Variants in SNRPB observed in about 807,000 individuals in gnomAD.
SNRPB encodes the protein small nuclear ribonucleoprotein-associated proteins B and B'.
SNRPB carries 5 observed loss-of-function variants against 26.6 expected under a neutral mutation model. That is an observed-to-expected ratio of 0.19 (90% CI 0.10 to 0.39). The LOEUF (loss-of-function observed/expected upper bound fraction) is 0.39, where lower values mean the gene tolerates loss of function less well. Ranked by LOEUF, SNRPB falls within the 10% of genes least tolerant of loss-of-function variation. The probability of loss-of-function intolerance (pLI) is 1.00; values close to 1 mark genes in which losing one functional copy is unlikely to be tolerated. For synonymous variants in SNRPB, 122 were observed against 105.8 expected, an observed-to-expected ratio of 1.15 and a Z score of -0.94; for missense variants, 211 against 311.9, an observed-to-expected ratio of 0.68 and a Z score of 2.44.
chr20:2,466,683 G>A (rs1337214662), intron 2 of SNRPB, among the ~76,000 whole-genome samples: 2 of 151,784 alleles, frequency 1.3e-5, no homozygotes, highest in African/African-American at 4.8e-5. Flanking sequence ...AACCCTTCGG[G>A]GTATTTTAGT....
chr20:2,463,003 CAGCTTCAGTCAAG>C lies in SNRPB; in HGVS notation c.559+73_559+85del. On this transcript the variant is annotated intron_variant, in intron 5 of 6. Coordinates refer to ENST00000381342, the MANE Select transcript of SNRPB (RefSeq NM_003091.4). This position sits in a 1 kb window ranked among gnomAD's most constrained non-coding sequence, Gnocchi z 5.0. ...CTGCTTAATTATACAAACTCATCAT[CAGCTTCAGTCAAG>C]GTTATATCTCATCATTAATCCAGCT... The C allele has an allele frequency of 8.0e-7, 1 of 1,253,672 alleles. No individual in the cohort carries two copies. Among genetic ancestry groups the C allele is most frequent in the Non-Finnish European group, 1.1e-6 (1 of 897,394 alleles). The allele number at this position is 1,253,672 out of a possible 1,614,324, so 77.7% of individuals were successfully genotyped here. A position where few individuals can be genotyped will look rare whatever the true frequency, so the allele number is the denominator to read the frequency against.
rs529255531 is a variant in SNRPB at position 2,466,917 on chromosome 20, C to G, written c.155+690G>C. Among the ~76,000 whole-genome samples the G allele has an allele frequency of 6.0e-4, 91 of 152,240 alleles. 3 individuals carry two copies. In the South Asian group the frequency reaches 0.015, roughly 24 times the overall value. ...ATCAAAGGGAATTCAAAGTGAGTGA[C>G]AGAATAATATGGACACTGCATATGA... On this transcript the variant is annotated intron_variant, in intron 2 of 6. Transcript: ENST00000381342.
At chr20:2,468,960 G>A (rs1259844172) in intron 1 of SNRPB, among the ~76,000 whole-genome samples, 1 of 152,130 alleles carries the variant, frequency 6.6e-6, no homozygotes, top group Non-Finnish European at 1.5e-5. Flanking sequence ...TCCACACAAA[G>A]ATACTGCGAG....
chr20:2,462,067 G>T, intron 6 of SNRPB, 128 bp from the exon 7 acceptor site: 1 of 660,188 alleles, frequency 1.5e-6, no homozygotes, highest in South Asian at 1.9e-5. Context: ...GTGCTAACTA[G>T]GGACTACTCT....
chr20:2,462,812 G>C (rs1165892762), intron 5 of SNRPB, 51 bp from the exon 6 acceptor site: 1 of 1,463,500 alleles, frequency 6.8e-7, no homozygotes, highest in East Asian at 2.4e-5. Context: ...TCTTGAAAAG[G>C]TAGCAAAAAA....
At chr20:2,462,895 C>T in intron 5 of SNRPB, 134 bp from the exon 6 acceptor site, 2 of 960,350 alleles carry the variant, frequency 2.1e-6, no homozygotes, top group Admixed American at 5.3e-5. Flanking sequence ...AGAAAACTGA[C>T]ATTTGAGCCT....
Position 2,470,767 on chromosome 20 carries a change from C to T in SNRPB, c.-77G>A. 5 of 1,565,604 alleles carry T rather than the reference C, an allele frequency of 3.2e-6. No individual in the cohort carries two copies. Among genetic ancestry groups the T allele is most frequent in the Non-Finnish European group, 3.5e-6 (4 of 1,141,006 alleles). On this transcript the variant is annotated 5_prime_UTR_variant, in exon 1 of 7. Coordinates refer to ENST00000381342, the MANE Select transcript of SNRPB (RefSeq NM_003091.4). ...CTAGCCTCTCTCCCACAGCCGATTT[C>T]CCGCCGCCGCTACCGGAAATGCAGC...
At chr20:2,464,516 A>G (rs1014740447) in intron 3 of SNRPB, among the ~76,000 whole-genome samples, 2 of 152,236 alleles carry the variant, frequency 1.3e-5, no homozygotes, top group Non-Finnish European at 2.9e-5. Context: ...TGATTAGGAT[A>G]AACTACTCTG....
intron 1 of SNRPB, 64 bp downstream of exon 1, chr20:2,470,624 G>C: frequency 6.2e-7 from 1 of 1,606,382 alleles, no homozygotes; most frequent in Non-Finnish European, 8.5e-7. Context: ...TCCCCGATCA[G>C]TCGCGGTTCC....
At position 2,463,849 on chromosome 20, in the gene SNRPB, G is replaced by A. The variant is rs112240907; in HGVS notation, c.318C>T (p.Ile106=). 3.8e-4 allele frequency: 616 copies of A among 1,613,158 alleles called. No individual in the cohort carries two copies. The highest frequency in any genetic ancestry group is 4.8e-4 in the Non-Finnish European group (562 of 1,179,466). ...GGATTCCTCTGCCAGCAGCCCTGCC[G>A]ATCCCTGGGCCCCCGGCAGCTCCAG... ...PLAGAAGGPG[I]GRAAGRGIPA... The change falls in exon 4 of 7, where the codon ATC becomes ATT. Residue 106 remains isoleucine (I), a synonymous_variant. Transcript: ENST00000381342. This position sits in a 1 kb window ranked among gnomAD's most constrained non-coding sequence, Gnocchi z 5.0.
rs2085048854 is a variant in SNRPB, at chr20:2,463,295, A to G, written c.421-68T>C. 14 of 1,247,236 alleles carry G rather than the reference A, an allele frequency of 1.1e-5. No homozygotes were observed. The Admixed American group carries it at 1.7e-4, about 15-fold the overall frequency. 77.3% of individuals were successfully genotyped at this position (1,247,236 alleles called of 1,614,324 possible). On this transcript the variant is annotated intron_variant, in intron 4 of 6. Coordinates refer to ENST00000381342, the MANE Select transcript of SNRPB (RefSeq NM_003091.4). The surrounding 1 kb of genome is among the most constrained non-coding windows in gnomAD (Gnocchi z 5.0). Reference sequence around the variant, plus strand: ...ATGCAGCTTCCCACTCTCCTCCCCAACTTGGGGAAGGACAGTGGGAAATAA... The same window carrying G: ...ATGCAGCTTCCCACTCTCCTCCCCAGCTTGGGGAAGGACAGTGGGAAATAA...
At chr20:2,470,039 A>T (rs937883855) in intron 1 of SNRPB, among the ~76,000 whole-genome samples, 1 of 152,200 alleles carries the variant, frequency 6.6e-6, no homozygotes, top group African/African-American at 2.4e-5. Flanking sequence ...CGTTACTTTT[A>T]CCGAATGACC....
Position 2,463,967 on chromosome 20 carries a change from A to C in SNRPB, c.268-68T>G. 3 of 1,391,630 alleles carry C rather than the reference A, an allele frequency of 2.2e-6. No homozygotes were observed. The highest frequency in any genetic ancestry group is 3.0e-6 in the Non-Finnish European group (3 of 987,772). 86.2% of individuals were successfully genotyped at this position (1,391,630 alleles called of 1,614,324 possible). The stretch of plus-strand genomic sequence containing the variant: ...GATCAGAAGTATACTTTGGAATATC[A>C]TTGCCAAGAGAGCCCCTCGAAATAG... On this transcript the variant is annotated intron_variant, in intron 3 of 6. Transcript: ENST00000381342. This position sits in a 1 kb window ranked among gnomAD's most constrained non-coding sequence, Gnocchi z 5.0.
rs183711076 is a variant in SNRPB, at chr20:2,468,068, T to C, written c.4-310A>G. ...ATAGGGTGTCCCCAAAATAATCCAA[T>C]GCATACATACTAGAGCCATCTACCA... On this transcript the variant is annotated intron_variant, in intron 1 of 6. Transcript: ENST00000381342. Among the ~76,000 whole-genome samples, 22 of 152,294 alleles carry C rather than the reference T, an allele frequency of 1.4e-4. No homozygotes were observed. In the East Asian group the frequency reaches 4.1e-3, roughly 28 times the overall value.
intron 3 of SNRPB, among the ~76,000 whole-genome samples, chr20:2,464,412 A>G (rs943591988): frequency 6.6e-6 from 1 of 152,258 alleles, no homozygotes; most frequent in Non-Finnish European, 1.5e-5. Context: ...AGATTTGAAT[A>G]TGTACATGGA....
chr20:2,465,876 G>C, intron 2 of SNRPB, 57 bp from the exon 3 acceptor site: 1 of 1,273,130 alleles, frequency 7.9e-7, no homozygotes, highest in Non-Finnish European at 1.1e-6. Context: ...AAGTTCACCT[G>C]CCTAGTGGCC....
At chr20:2,465,231 C>A (rs1424538803) in intron 3 of SNRPB, among the ~76,000 whole-genome samples, 3 of 152,194 alleles carry the variant, frequency 2.0e-5, no homozygotes, top group African/African-American at 4.8e-5. Context: ...TTAAGGTCTA[C>A]CTAGGCTTTG....
intron 1 of SNRPB, among the ~76,000 whole-genome samples, chr20:2,469,067 T>C (rs910883974): frequency 6.6e-6 from 1 of 152,270 alleles, no homozygotes; most frequent in Middle Eastern, 3.2e-3. Flanking sequence ...CATTCACTGG[T>C]CCAGCTCAAC....
At chr20:2,469,629 T>G (rs1350500581) in intron 1 of SNRPB, among the ~76,000 whole-genome samples, 3 of 151,464 alleles carry the variant, frequency 2.0e-5, no homozygotes, top group Admixed American at 6.6e-5. Context: ...GGAGGTGGAG[T>G]TTGCAGTGAA....
Sources: gnomAD v4.1 joint callset for allele counts (sites outside exome capture counted in the v4.1 genomes callset) on GRCh38, gnomAD v4.1.1 for gene constraint, Gnocchi (gnomAD v3.1) non-coding constraint, MANE v1.5 for transcripts, NCBI Gene and HGNC (gene_info 2026-07-23, HGNC 2026-07-21) for gene names.